The following CARHSP1 variants were observed in gnomAD, a reference collection of about 807,000 sequenced individuals.
CARHSP1 encodes calcium-regulated heat-stable protein 1.
In CARHSP1, 14 loss-of-function variants were observed where a neutral mutation model predicts 12.5. That is an observed-to-expected ratio of 1.12 (90% CI 0.74 to 1.75). The LOEUF is 1.75. CARHSP1 is among the 40% of genes most tolerant of loss of function. CARHSP1 has a pLI of 0.00. For synonymous variants in CARHSP1, 161 were observed against 82.0 expected (o/e 1.96, Z -5.20); for missense variants, 343 against 201.6 (o/e 1.70, Z -4.25).
chr16:8,864,781 G>C (rs1256594046), intron 1 of CARHSP1, among the ~76,000 whole-genome samples: 1 of 152,220 alleles, frequency 6.6e-6, no homozygotes, highest in Non-Finnish European at 1.5e-5. Flanking sequence ...GGATGGGTGT[G>C]TCGGCTGGGA....
At chr16:8,855,448 G>A in intron 3 of CARHSP1, 122 bp from the exon 4 acceptor site, 3 of 834,386 alleles carry the variant, frequency 3.6e-6, no homozygotes, top group South Asian at 3.0e-5. Flanking sequence ...CAACCACCGG[G>A]AACCTCTTTC....
chr16:8,861,628 G>A (rs1567187730), intron 1 of CARHSP1: 4 of 1,289,130 alleles, frequency 3.1e-6, no homozygotes, highest in Non-Finnish European at 4.0e-6. Context: ...CTGGGAAGCT[G>A]GTGGCTGGCT....
chr16:8,856,557 G>A (rs1380158174), intron 3 of CARHSP1, among the ~76,000 whole-genome samples: 8 of 150,172 alleles, frequency 5.3e-5, no homozygotes, highest in African/African-American at 2.0e-4. Context: ...ATCCATGTAT[G>A]CATGCATATG....
chr16:8,853,999 C>A lies in CARHSP1; in HGVS notation c.*1165G>T, dbSNP rs1335190624. 1 of 152,108 alleles carries A rather than the reference C, an allele frequency of 6.6e-6. No individual in the cohort carries two copies. Among genetic ancestry groups the A allele is most frequent in the Non-Finnish European group, 1.5e-5 (1 of 68,054 alleles). The allele number at this position is 152,108 out of a possible 1,614,324, so 9.4% of individuals were successfully genotyped here. The stretch of plus-strand genomic sequence containing the variant: ...TACTCAGGAGACTGAGGCGGAATTG[C>A]CAGAACCCTGGAGGGCAGAGGTTGC... On this transcript the variant is annotated 3_prime_UTR_variant, in exon 4 of 4. Coordinates refer to ENST00000311052, the MANE Select transcript of CARHSP1 (RefSeq NM_014316.4).
intron 1 of CARHSP1, among the ~76,000 whole-genome samples, chr16:8,864,049 GCTT>G (rs757604876): frequency 3.9e-5 from 6 of 152,236 alleles, no homozygotes; most frequent in Non-Finnish European, 5.9e-5. Flanking sequence ...ACTCAGATGA[GCTT>G]CTGGCCTGCA....
rs925825950 is a variant in CARHSP1 at position 8,861,817 on chromosome 16, C to A, written c.-7-2482G>T. On this transcript the variant is annotated intron_variant, in intron 1 of 3. Transcript: ENST00000311052. ...GGTCATAGAGTCCTAGAATGTTCAACGCCCAGAGTTCCAGGAAAGAGGCTG... is the reference window on the plus strand; with the variant it reads ...GGTCATAGAGTCCTAGAATGTTCAAAGCCCAGAGTTCCAGGAAAGAGGCTG... 9.2e-6 allele frequency: 11 copies of A among 1,198,892 alleles called. No homozygotes were observed. The African/African-American group carries it at 1.8e-4, about 19-fold the overall frequency. 74.3% of individuals were successfully genotyped at this position (1,198,892 alleles called of 1,614,324 possible).
chr16:8,865,259 A>G (rs2061435548), intron 1 of CARHSP1, among the ~76,000 whole-genome samples: 1 of 151,986 alleles, frequency 6.6e-6, no homozygotes, highest in East Asian at 1.9e-4. Context: ...ACAGGCATGT[A>G]CCACCACACC....
At chr16:8,860,491 G>C (rs563888854) in intron 1 of CARHSP1, 6 of 985,298 alleles carry the variant, frequency 6.1e-6, no homozygotes, top group Non-Finnish European at 6.0e-6. Flanking sequence ...GCCTCAGCTC[G>C]AGGTTCAGGG....
chr16:8,854,417 T>C lies in CARHSP1; in HGVS notation c.*747A>G, dbSNP rs999233441. The C allele has an allele frequency of 2.0e-5, 3 of 152,270 alleles. No individual in the cohort carries two copies. Among genetic ancestry groups the C allele is most frequent in the South Asian group, 4.2e-4 (2 of 4,818 alleles). 9.4% of individuals were successfully genotyped at this position (152,270 alleles called of 1,614,324 possible). On this transcript the variant is annotated 3_prime_UTR_variant, in exon 4 of 4. Coordinates refer to ENST00000311052, the MANE Select transcript of CARHSP1 (RefSeq NM_014316.4). ...GGGCTGTGAAATGGCTGTTGAGTGA[T>C]GGTCACACAACCAGAAGGCAGATGA... is the stretch of plus-strand genomic sequence containing the variant.
Position 8,852,981 on chromosome 16 carries a change from G to C in CARHSP1, c.*2183C>G, listed in dbSNP as rs2060986322. The C allele has an allele frequency of 6.6e-6, 1 of 152,134 alleles. No homozygotes were observed. Among genetic ancestry groups the C allele is most frequent in the Admixed American group, 6.5e-5 (1 of 15,276 alleles). 9.4% of individuals were successfully genotyped at this position (152,134 alleles called of 1,614,324 possible). On this transcript the variant is annotated 3_prime_UTR_variant, in exon 4 of 4. Transcript: ENST00000311052. ...ACAAAAATTTATTGGGAGAAAGATG[G>C]CTGATGGGAGGCAAGATCTGGATTC... is the stretch of plus-strand genomic sequence containing the variant.
chr16:8,858,447 CG>C lies in CARHSP1; in HGVS notation c.183del (p.Val62SerfsTer165). On this transcript the variant is annotated frameshift_variant, in exon 3 of 4. Coordinates refer to ENST00000311052, the MANE Select transcript of CARHSP1 (RefSeq NM_014316.4). LOFTEE classifies it high-confidence loss of function. ...FSATVRASQG[P>X]VYKGVCKCFC... is the part of the protein sequence containing the mutation. ...AAGCATTTGCAGACTCCTTTGTAGA[CG>C]GGGCCCTGTGAAGCCCGCACCGTCC... 1 of 1,613,886 alleles carries C rather than the reference CG, an allele frequency of 6.2e-7. No individual in the cohort carries two copies. The highest frequency in any genetic ancestry group is 8.5e-7 in the Non-Finnish European group (1 of 1,180,006).
chr16:8,864,777 G>A (rs961055955), intron 1 of CARHSP1, among the ~76,000 whole-genome samples: 1 of 152,218 alleles, frequency 6.6e-6, no homozygotes, highest in Non-Finnish European at 1.5e-5. Context: ...CCAGGGATGG[G>A]TGTGTCGGCT....
intron 1 of CARHSP1, among the ~76,000 whole-genome samples, chr16:8,866,048 G>A (rs1348507614): frequency 6.6e-5 from 10 of 152,008 alleles, no homozygotes; most frequent in African/African-American, 2.4e-4. Context: ...CAACCTCCTG[G>A]GCTCAAGGGA....
intron 2 of CARHSP1, chr16:8,858,746 C>A (rs780431082): frequency 2.1e-6 from 1 of 481,820 alleles, no homozygotes; most frequent in Non-Finnish European, 3.7e-6. Context: ...GAACATCCCT[C>A]CAGAAACTAA....
Position 8,854,334 on chromosome 16 carries a change from C to A in CARHSP1, c.*830G>T, listed in dbSNP as rs2061028830. ...CAAAGTTTTTAAACAAAGACTGTGT[C>A]CTCTCCACAAGCCCTTCCCACCACC... On this transcript the variant is annotated 3_prime_UTR_variant, in exon 4 of 4. Coordinates refer to ENST00000311052, the MANE Select transcript of CARHSP1 (RefSeq NM_014316.4). The A allele has an allele frequency of 6.6e-6, 1 of 152,186 alleles. No individual in the cohort carries two copies. Among genetic ancestry groups the A allele is most frequent in the African/African-American group, 2.4e-5 (1 of 41,428 alleles). 9.4% of individuals were successfully genotyped at this position (152,186 alleles called of 1,614,324 possible).
intron 1 of CARHSP1, among the ~76,000 whole-genome samples, chr16:8,865,245 G>A (rs1261545934): frequency 6.6e-6 from 1 of 152,098 alleles, no homozygotes; most frequent in Non-Finnish European, 1.5e-5. Context: ...GAGTAGCTGG[G>A]ACTACAGGCA....
intron 1 of CARHSP1, among the ~76,000 whole-genome samples, chr16:8,863,354 C>T (rs1419220351): frequency 1.3e-5 from 2 of 152,064 alleles, no homozygotes; most frequent in Non-Finnish European, 2.9e-5. Flanking sequence ...CTCAAGCGAT[C>T]GGCGCACCTT....
chr16:8,856,665 GCTC>G (rs2061122202), intron 3 of CARHSP1, among the ~76,000 whole-genome samples: 1 of 152,160 alleles, frequency 6.6e-6, no homozygotes, highest in African/African-American at 2.4e-5. Flanking sequence ...ATTGCAGTGG[GCTC>G]CTCTTTTCAG....
At chr16:8,868,346 T>G (rs571922132) in intron 1 of CARHSP1, 1 of 152,124 alleles carries the variant, frequency 6.6e-6, no homozygotes, top group East Asian at 1.9e-4. Context: ...CAGCGCAGCC[T>G]GCGGAAAGGG....
Sources: allele counts gnomAD v4.1 joint callset (sites outside exome capture counted in the v4.1 genomes callset), GRCh38; gene constraint gnomAD v4.1.1; transcripts MANE v1.5; gene names NCBI Gene and HGNC (gene_info 2026-07-23, HGNC 2026-07-21).